Variants in EPB41L2 observed in about 807,000 individuals in gnomAD.
EPB41L2 encodes band 4.1-like protein 2.
A neutral mutation model predicts 113.0 loss-of-function variants in EPB41L2; 43 were observed. That is an observed-to-expected ratio of 0.38 (90% CI 0.30 to 0.49). The LOEUF (loss-of-function observed/expected upper bound fraction) is 0.49. Ranked by LOEUF, EPB41L2 falls within the 20% of genes least tolerant of loss-of-function variation. The probability of loss-of-function intolerance (pLI) is 0.95; values close to 1 mark genes in which losing one functional copy is unlikely to be tolerated. For missense variants in EPB41L2, 1,147 were observed against 1,223.4 expected, an observed-to-expected ratio of 0.94 and a Z score of 0.93; for synonymous variants, 442 against 436.7, an observed-to-expected ratio of 1.01 and a Z score of -0.15.
intron 3 of EPB41L2, among the ~76,000 whole-genome samples, chr6:130,942,129 G>C (rs1335798913): frequency 2.0e-5 from 3 of 152,134 alleles, no homozygotes; most frequent in Non-Finnish European, 4.4e-5. Flanking sequence ...TTATGTTATA[G>C]TGCTATAAAT....
intron 3 of EPB41L2, among the ~76,000 whole-genome samples, chr6:130,929,902 C>CACACAT (rs1307195800): frequency 2.7e-5 from 4 of 148,416 alleles, no homozygotes; most frequent in African/African-American, 7.5e-5. Context: ...CACACATACA[C>CACACAT]GCACAGTCAT....
chr6:130,971,326 T>C (rs1252262091), intron 1 of EPB41L2, among the ~76,000 whole-genome samples: 2 of 152,232 alleles, frequency 1.3e-5, no homozygotes, highest in Non-Finnish European at 2.9e-5. Flanking sequence ...ATTAGGTTCT[T>C]ACCATAGATC....
At chr6:130,890,677 A>G (rs995906213) in intron 10 of EPB41L2, among the ~76,000 whole-genome samples, 8 of 152,320 alleles carry the variant, frequency 5.3e-5, no homozygotes, top group Non-Finnish European at 8.8e-5. Flanking sequence ...ACATTCATGT[A>G]TTCATGAATA....
At chr6:130,961,806 A>G (rs1490771296) in intron 1 of EPB41L2, among the ~76,000 whole-genome samples, 1 of 152,194 alleles carries the variant, frequency 6.6e-6, no homozygotes, top group Admixed American at 6.5e-5. Flanking sequence ...AGCTCAACCC[A>G]TTTTGTAAGG....
intron 1 of EPB41L2, among the ~76,000 whole-genome samples, chr6:131,043,488 G>A (rs1794826928): frequency 6.6e-6 from 1 of 152,020 alleles, no homozygotes. Flanking sequence ...GAAGGCACAG[G>A]TTAAACTACA....
chr6:130,901,556 A>C (rs1190345306), intron 6 of EPB41L2, among the ~76,000 whole-genome samples: 1 of 152,192 alleles, frequency 6.6e-6, no homozygotes, highest in Non-Finnish European at 1.5e-5. Context: ...ACTAGTCTTA[A>C]TCATTTGTAA....
At chr6:130,870,400 C>G in intron 14 of EPB41L2, 1 of 1,550,488 alleles carries the variant, frequency 6.4e-7, no homozygotes, top group Non-Finnish European at 8.7e-7. Flanking sequence ...CAAAAAGCAA[C>G]CGAGGACACA....
chr6:130,878,225 A>G lies in EPB41L2; in HGVS notation c.1922T>C (p.Ile641Thr). The change falls in exon 14 of 20, where the codon ATA becomes ACA. Residue 641 changes from isoleucine (I) to threonine (T), a missense_variant. Transcript: ENST00000337057. ...ACTAATGCTAGCCTGATGTTTCAGTATGTCCTCCTGGGCCTTATCCAGTTC... is the reference window on the plus strand; with the variant it reads ...ACTAATGCTAGCCTGATGTTTCAGTGTGTCCTCCTGGGCCTTATCCAGTTC... ...LEELDKAQED[I>T]LKHQASISEL... is the part of the protein sequence containing the mutation. The G allele has an allele frequency of 1.9e-6, 3 of 1,613,008 alleles. No homozygotes were observed. Among genetic ancestry groups the G allele is most frequent in the Non-Finnish European group, 2.5e-6 (3 of 1,179,594 alleles).
chr6:130,983,167 CA>C (rs1779769020), intron 1 of EPB41L2, among the ~76,000 whole-genome samples: 1 of 152,190 alleles, frequency 6.6e-6, no homozygotes, highest in African/African-American at 2.4e-5. Context: ...AAAAAGATTT[CA>C]TAAGAGAAAC....
chr6:130,916,087 T>C (rs1323872457), intron 4 of EPB41L2, among the ~76,000 whole-genome samples: 6 of 152,252 alleles, frequency 3.9e-5, no homozygotes, highest in East Asian at 3.8e-4. Context: ...TAGTTATACA[T>C]TGAAAACACT....
chr6:130,922,477 T>C (rs1183303723), intron 4 of EPB41L2, among the ~76,000 whole-genome samples: 1 of 152,202 alleles, frequency 6.6e-6, no homozygotes, highest in Non-Finnish European at 1.5e-5. Context: ...GTTGGCATTT[T>C]CCTTAAAATC....
intron 3 of EPB41L2, among the ~76,000 whole-genome samples, chr6:130,928,159 T>C (rs1463076408): frequency 6.6e-6 from 1 of 152,200 alleles, no homozygotes; most frequent in Non-Finnish European, 1.5e-5. Flanking sequence ...ATTACAGGTT[T>C]GCAATGAGGA....
At chr6:130,961,630 C>A (rs1773566233) in intron 1 of EPB41L2, among the ~76,000 whole-genome samples, 2 of 152,138 alleles carry the variant, frequency 1.3e-5, no homozygotes, top group Admixed American at 1.3e-4. Context: ...GGGGTTCATG[C>A]TAATTCTTGG....
At chr6:131,057,996 G>C (rs1797921313) in intron 1 of EPB41L2, among the ~76,000 whole-genome samples, 1 of 152,172 alleles carries the variant, frequency 6.6e-6, no homozygotes, top group Non-Finnish European at 1.5e-5. Context: ...CCTTATTTAA[G>C]ATACAGGTCA....
intron 14 of EPB41L2, chr6:130,876,548 G>T: frequency 2.5e-6 from 1 of 400,478 alleles, no homozygotes; most frequent in South Asian, 2.7e-5. Flanking sequence ...CTTTTTAAAT[G>T]CTCAAAAATC....
chr6:131,049,886 C>T (rs1441554644), intron 1 of EPB41L2, among the ~76,000 whole-genome samples: 1 of 152,188 alleles, frequency 6.6e-6, no homozygotes, highest in Non-Finnish European at 1.5e-5. Flanking sequence ...TCCAAGAAAA[C>T]TTCAACTGGC....
intron 1 of EPB41L2, among the ~76,000 whole-genome samples, chr6:131,002,545 C>A (rs1215411142): frequency 6.6e-6 from 1 of 152,172 alleles, no homozygotes; most frequent in Non-Finnish European, 1.5e-5. Context: ...CGAATTCCTA[C>A]AGGAATTCAG....
chr6:131,001,189 C>T (rs534328383), intron 1 of EPB41L2, among the ~76,000 whole-genome samples: 1 of 152,268 alleles, frequency 6.6e-6, no homozygotes, highest in Admixed American at 6.5e-5. Flanking sequence ...GATGTGGCTG[C>T]TTCTCCATGA....
chr6:131,044,146 C>T (rs1265580281), intron 1 of EPB41L2, among the ~76,000 whole-genome samples: 3 of 151,312 alleles, frequency 2.0e-5, no homozygotes, highest in African/African-American at 7.3e-5. Context: ...CTTAGCCTCC[C>T]AAGTAGCTGG....
Sources: gnomAD v4.1 joint callset for allele counts (sites outside exome capture counted in the v4.1 genomes callset) on GRCh38, gnomAD v4.1.1 for gene constraint, MANE v1.5 for transcripts, NCBI Gene and HGNC (gene_info 2026-07-23, HGNC 2026-07-21) for gene names.